The following RARB variants were observed in gnomAD, a reference collection of about 807,000 sequenced individuals.
RARB encodes the protein HBV-activated protein.
In RARB, 17 loss-of-function variants were observed where a neutral mutation model predicts 51.9. The ratio of observed to expected loss-of-function variants is 0.33; its 90% CI spans 0.22 to 0.49. The LOEUF (loss-of-function observed/expected upper bound fraction) is 0.49, where lower values mean the gene tolerates loss of function less well. Among genes scored for constraint, RARB ranks in the 20% least tolerant of loss-of-function variants. RARB has a pLI of 0.99. For missense variants in RARB, 369 were observed against 550.8 expected, an observed-to-expected ratio of 0.67 and a Z score of 3.30; for synonymous variants, 215 against 195.4, an observed-to-expected ratio of 1.10 and a Z score of -0.84.
chr3:25,161,954 AC>A (rs544393446), intron 4 of RARB, among the ~76,000 whole-genome samples: 293 of 152,264 alleles, frequency 1.9e-3, no homozygotes, highest in Non-Finnish European at 3.1e-3. Context: ...TGCCCAGGGT[AC>A]AGAGACCAAG....
intron 3 of RARB, among the ~76,000 whole-genome samples, chr3:25,518,321 C>T (rs1437635248): frequency 6.6e-6 from 1 of 151,990 alleles, no homozygotes; most frequent in Non-Finnish European, 1.5e-5. Flanking sequence ...TGACAAGACT[C>T]TCGGTGTCCA....
intron 3 of RARB, among the ~76,000 whole-genome samples, chr3:25,097,848 C>T (rs1421592754): frequency 6.6e-6 from 1 of 152,096 alleles, no homozygotes; most frequent in Non-Finnish European, 1.5e-5. Context: ...TTGTGCTCAT[C>T]CCAATCTTAC....
intron 5 of RARB, among the ~76,000 whole-genome samples, chr3:25,581,249 A>T (rs948416911): frequency 6.6e-6 from 1 of 152,230 alleles, no homozygotes; most frequent in Admixed American, 6.5e-5. Context: ...ACCCAAAGCT[A>T]TGAGAGACCT....
chr3:25,150,715 A>G (rs1700273217), intron 4 of RARB, among the ~76,000 whole-genome samples: 1 of 152,272 alleles, frequency 6.6e-6, no homozygotes, highest in Non-Finnish European at 1.5e-5. Context: ...ATTCCAGGAG[A>G]CCAGGAAAGA....
intron 5 of RARB, among the ~76,000 whole-genome samples, chr3:25,291,265 G>A (rs909528785): frequency 1.3e-5 from 2 of 152,122 alleles, no homozygotes; most frequent in African/African-American, 2.4e-5. Flanking sequence ...AGATCAGTTC[G>A]AGTTCAAGCA....
rs569826612 is a variant in RARB at position 25,322,374 on chromosome 3, C to A, written c.179-138819C>A. ...TATTTTATACTTAGGGAGAGAGGACCTTTTTAGGAGTGACATGAAATGCAA... is the reference window on the plus strand; with the variant it reads ...TATTTTATACTTAGGGAGAGAGGACATTTTTAGGAGTGACATGAAATGCAA... On this transcript the variant is annotated intron_variant, in intron 5 of 11. Coordinates refer to the RARB transcript ENST00000383772. Among the ~76,000 whole-genome samples, 11 of 152,054 alleles carry A rather than the reference C, an allele frequency of 7.2e-5. No homozygotes were observed. In the South Asian group the frequency reaches 1.9e-3, roughly 26 times the overall value.
At chr3:25,410,932 CA>C (rs1398877703) in intron 5 of RARB, among the ~76,000 whole-genome samples, 3 of 152,198 alleles carry the variant, frequency 2.0e-5, no homozygotes, top group African/African-American at 7.2e-5. Flanking sequence ...CTGTATTTGA[CA>C]TAAGAAGTCT....
At chr3:25,147,257 C>T (rs1406420397) in intron 4 of RARB, among the ~76,000 whole-genome samples, 4 of 152,110 alleles carry the variant, frequency 2.6e-5, no homozygotes, top group African/African-American at 7.2e-5. Flanking sequence ...CTTGTCCTCT[C>T]TTCCCCATCC....
chr3:24,944,035 C>T (rs1695723539), intron 2 of RARB, among the ~76,000 whole-genome samples: 1 of 152,042 alleles, frequency 6.6e-6, no homozygotes, highest in South Asian at 2.1e-4. Flanking sequence ...GAAAATATTG[C>T]CTTGTAATAT....
chr3:25,506,851 A>T (rs949214846), intron 3 of RARB, among the ~76,000 whole-genome samples: 1 of 152,162 alleles, frequency 6.6e-6, no homozygotes, highest in African/African-American at 2.4e-5. Context: ...ATCCCATCCC[A>T]TGCTTCTCCC....
chr3:25,237,129 A>C (rs1419999743), intron 5 of RARB, among the ~76,000 whole-genome samples: 2 of 152,038 alleles, frequency 1.3e-5, no homozygotes, highest in African/African-American at 2.4e-5. Context: ...ATTTTCTTTA[A>C]TAGTTAAAAG....
chr3:25,250,403 G>A (rs1005566589), intron 5 of RARB, among the ~76,000 whole-genome samples: 1 of 152,196 alleles, frequency 6.6e-6, no homozygotes. Context: ...TTGTGCTGCA[G>A]TCCTACTACT....
At chr3:25,361,186 C>A (rs566604961) in intron 5 of RARB, among the ~76,000 whole-genome samples, 7 of 152,266 alleles carry the variant, frequency 4.6e-5, no homozygotes, top group African/African-American at 1.7e-4. Flanking sequence ...CCGTTTCATT[C>A]TTTTTTCTCT....
chr3:25,463,161 C>G (rs1194189927), intron 2 of RARB, among the ~76,000 whole-genome samples: 1 of 152,130 alleles, frequency 6.6e-6, no homozygotes, highest in Non-Finnish European at 1.5e-5. Flanking sequence ...GTGTGAGCCA[C>G]CACGCCCAGC....
At chr3:25,474,603 G>A (rs1258966733) in intron 2 of RARB, among the ~76,000 whole-genome samples, 2 of 152,104 alleles carry the variant, frequency 1.3e-5, no homozygotes, top group Non-Finnish European at 2.9e-5. Context: ...TCTACAGTTT[G>A]TCAATCTCAT....
intron 2 of RARB, among the ~76,000 whole-genome samples, chr3:25,010,578 T>C (rs1269627588): frequency 1.3e-5 from 2 of 152,110 alleles, no homozygotes; most frequent in African/African-American, 4.8e-5. Context: ...TCAACTAACA[T>C]TGGAGGATCT....
intron 3 of RARB, among the ~76,000 whole-genome samples, chr3:25,078,366 T>A (rs1030358963): frequency 6.6e-6 from 1 of 152,136 alleles, no homozygotes. Flanking sequence ...ATGAATAGAT[T>A]TTCATTTTCT....
chr3:25,302,470 C>A (rs561359314), intron 5 of RARB, among the ~76,000 whole-genome samples: 35 of 152,098 alleles, frequency 2.3e-4, no homozygotes, highest in Non-Finnish European at 4.6e-4. Flanking sequence ...CATGGATAAA[C>A]CCTGAATACA....
chr3:25,587,456 A>C (rs1485880193), intron 5 of RARB, among the ~76,000 whole-genome samples: 3 of 152,232 alleles, frequency 2.0e-5, no homozygotes, highest in Non-Finnish European at 4.4e-5. Flanking sequence ...TACATGTTGA[A>C]ACAAAAATAA....
Sources: allele counts gnomAD v4.1 joint callset (sites outside exome capture counted in the v4.1 genomes callset), GRCh38; gene constraint gnomAD v4.1.1; transcripts MANE v1.5; gene names NCBI Gene and HGNC (gene_info 2026-07-23, HGNC 2026-07-21).